The following MUC7 variants were observed in gnomAD, a reference collection of about 807,000 sequenced individuals.
MUC7 encodes the protein mucin 7, secreted.
Under a neutral mutation model 2.5 loss-of-function variants are expected in MUC7, and 2 were observed. The ratio of observed to expected loss-of-function variants is 0.81; its 90% confidence interval spans 0.33 to 2.55. MUC7 has a LOEUF of 2.55. Among genes scored for constraint, MUC7 ranks in the 30% most tolerant of loss-of-function variants. The pLI is 0.11. For synonymous variants in MUC7, 133 were observed against 173.4 expected (o/e 0.77, Z 1.83); for missense variants, 408 against 455.6 (o/e 0.90, Z 0.95).
intron 1 of MUC7, among the ~76,000 whole-genome samples, chr4:70,466,007 GGTTA>G (rs1734674677): frequency 6.6e-6 from 1 of 152,178 alleles, no homozygotes; most frequent in Non-Finnish European, 1.5e-5. Context: ...AGAAAGGTCA[GGTTA>G]CCCACAAAGG....
At chr4:70,437,677 C>T (rs1430491968) in intron 1 of MUC7, among the ~76,000 whole-genome samples, 1 of 152,200 alleles carries the variant, frequency 6.6e-6, no homozygotes, top group Admixed American at 6.5e-5. Flanking sequence ...CCTTGCGCTT[C>T]CCAGGTGAGG....
intron 1 of MUC7, among the ~76,000 whole-genome samples, chr4:70,436,851 T>C (rs1577897074): frequency 6.6e-6 from 1 of 152,328 alleles, no homozygotes; most frequent in East Asian, 1.9e-4. Flanking sequence ...ATCTTTGGTC[T>C]TTGATGTTGA....
chr4:70,463,781 A>C (rs528393070), intron 1 of MUC7, among the ~76,000 whole-genome samples: 1 of 152,340 alleles, frequency 6.6e-6, no homozygotes, highest in African/African-American at 2.4e-5. Flanking sequence ...CCGCTATGCA[A>C]GGACACAACA....
intron 1 of MUC7, among the ~76,000 whole-genome samples, chr4:70,459,015 T>G (rs1734480046): frequency 2.6e-5 from 4 of 152,134 alleles, no homozygotes; most frequent in Admixed American, 2.6e-4. Context: ...TACTTAACTT[T>G]ATAAACCTTG....
chr4:70,475,693 C>A (rs1342908342), intron 2 of MUC7, among the ~76,000 whole-genome samples: 2 of 152,074 alleles, frequency 1.3e-5, no homozygotes, highest in African/African-American at 4.8e-5. Context: ...ATATTTTTCT[C>A]TCATGCTATG....
intron 1 of MUC7, among the ~76,000 whole-genome samples, chr4:70,437,618 A>G (rs1310836298): frequency 1.3e-5 from 2 of 152,196 alleles, no homozygotes; most frequent in East Asian, 1.9e-4. Flanking sequence ...TCCTCCAGGT[A>G]TAGTCACTTC....
At chr4:70,476,742 G>A (rs1036454560) in intron 2 of MUC7, among the ~76,000 whole-genome samples, 3 of 152,094 alleles carry the variant, frequency 2.0e-5, no homozygotes, top group African/African-American at 4.8e-5. Context: ...AGCCAAGATC[G>A]TGCCACTGCA....
At position 70,473,904 on chromosome 4, in the gene MUC7, T is replaced by A. The variant is rs1734913871; in HGVS notation, c.-15-103T>A. The A allele has an allele frequency of 3.8e-6, 3 of 788,168 alleles. No individual in the cohort carries two copies. The Admixed American group carries it at 7.2e-5, about 19-fold the overall frequency. The allele number at this position is 788,168 out of a possible 1,614,324, so 48.8% of individuals were successfully genotyped here. A position where few individuals can be genotyped will look rare whatever the true frequency, so the allele number is the denominator to read the frequency against. ...ACATAATTTTCAGAAACCATTGGTC[T>A]CTTTTTGCCTGTACTTTCTAATAAA... On this transcript the variant is annotated intron_variant, in intron 1 of 2. Transcript: ENST00000304887.
chr4:70,469,245 C>G (rs1734765583), upstream of MUC7, among the ~76,000 whole-genome samples: 1 of 152,222 alleles, frequency 6.6e-6, no homozygotes, highest in South Asian at 2.1e-4. Flanking sequence ...ACACCTTATA[C>G]AAAAATTAAC....
At chr4:70,479,027 T>C (rs1204344786) in intron 2 of MUC7, among the ~76,000 whole-genome samples, 1 of 152,086 alleles carries the variant, frequency 6.6e-6, no homozygotes, top group Non-Finnish European at 1.5e-5. Flanking sequence ...CTTGTATTGA[T>C]GGATGTTGTG....
At chr4:70,457,310 A>C (rs1734439306) in intron 1 of MUC7, among the ~76,000 whole-genome samples, 1 of 152,022 alleles carries the variant, frequency 6.6e-6, no homozygotes, top group South Asian at 2.1e-4. Context: ...GCCAGGTGTG[A>C]TGGTGCATGA....
chr4:70,434,563 A>T (rs1034179773), intron 1 of MUC7, among the ~76,000 whole-genome samples: 6 of 152,062 alleles, frequency 3.9e-5, no homozygotes, highest in Admixed American at 6.6e-5. Flanking sequence ...ATAGGTGGTG[A>T]TATCCCCTTT....
At chr4:70,470,248 G>A (rs968720693), upstream of MUC7, among the ~76,000 whole-genome samples, 18 of 152,098 alleles carry the variant, frequency 1.2e-4, no homozygotes, top group African/African-American at 4.1e-4. Flanking sequence ...CACACACCAG[G>A]GCCTGTTGGC....
chr4:70,431,764 A>C (rs1733672555), intron 1 of MUC7, among the ~76,000 whole-genome samples: 2 of 152,060 alleles, frequency 1.3e-5, no homozygotes, highest in South Asian at 4.1e-4. Flanking sequence ...TTTTATTATT[A>C]TACTTTAAGT....
chr4:70,482,229 AC>A lies in MUC7; in HGVS notation c.*356del, dbSNP rs1172293457. On this transcript the variant is annotated 3_prime_UTR_variant, in exon 3 of 3. Transcript: ENST00000304887. ...AGAAACTACAAAACCACTACCTTGTACCCCCATCAAAATCCCACCTGAACCA... is the reference window on the plus strand; with the variant it reads ...AGAAACTACAAAACCACTACCTTGTACCCCATCAAAATCCCACCTGAACCA... 4.4e-6 allele frequency: 1 copy of A among 228,502 alleles called. No individual in the cohort carries two copies. The highest frequency in any genetic ancestry group is 2.3e-5 in the African/African-American group (1 of 43,496). The allele number at this position is 228,502 out of a possible 1,614,324, so 14.2% of individuals were successfully genotyped here.
chr4:70,454,588 C>G (rs899987495), intron 1 of MUC7, among the ~76,000 whole-genome samples: 2 of 152,212 alleles, frequency 1.3e-5, no homozygotes, highest in Non-Finnish European at 2.9e-5. Context: ...TTCAGTGCCT[C>G]TTTCAGTGAT....
chr4:70,456,372 C>T (rs1001743780), intron 1 of MUC7, among the ~76,000 whole-genome samples: 2 of 152,064 alleles, frequency 1.3e-5, no homozygotes, highest in African/African-American at 4.8e-5. Context: ...AGTATTAATT[C>T]CAGGGATTTA....
chr4:70,481,168 A>T lies in MUC7; in HGVS notation c.424A>T (p.Arg142Ter). ...LPQNATTISSRENVNTSSSVA... is the reference protein window; with the variant it reads ...LPQNATTISS ...CCAGAATGCCACCACCATATCTTCA[A>T]GAGAAAATGTTAACACAAGCTCTTC... The change falls in exon 3 of 3, where the codon AGA (arginine) becomes TGA (stop). Residue 142 changes from arginine to a stop codon, truncating the protein, a stop_gained. Coordinates refer to ENST00000304887, the MANE Select transcript of MUC7 (RefSeq NM_152291.3). LOFTEE classifies it low-confidence loss of function (END_TRUNC). The T allele has an allele frequency of 6.2e-7, 1 of 1,614,188 alleles. No homozygotes were observed. Among genetic ancestry groups the T allele is most frequent in the Non-Finnish European group, 8.5e-7 (1 of 1,180,030 alleles).
At chr4:70,437,740 A>G (rs995207959) in intron 1 of MUC7, among the ~76,000 whole-genome samples, 7 of 151,790 alleles carry the variant, frequency 4.6e-5, no homozygotes, top group African/African-American at 1.7e-4. Flanking sequence ...CCACTGTCCA[A>G]CCAGTCCCAA....
Sources: gnomAD v4.1 joint callset for allele counts (sites outside exome capture counted in the v4.1 genomes callset) on GRCh38, gnomAD v4.1.1 for gene constraint, MANE v1.5 for transcripts, NCBI Gene and HGNC (gene_info 2026-07-23, HGNC 2026-07-21) for gene names.